The following CELSR1 variants were observed in gnomAD, a reference collection of about 807,000 sequenced individuals.
CELSR1 encodes adhesion G protein-coupled receptor C1.
Under a neutral mutation model 249.1 loss-of-function variants are expected in CELSR1, and 110 were observed. The ratio of observed to expected loss-of-function variants is 0.44; its 90% CI spans 0.38 to 0.52. CELSR1 has a LOEUF of 0.52. Ranked by LOEUF, CELSR1 falls within the 20% of genes least tolerant of loss-of-function variation. The probability of loss-of-function intolerance (pLI) is 0.00; values close to 1 mark genes in which losing one functional copy is unlikely to be tolerated. For synonymous variants in CELSR1, 2,113 were observed against 1,900.0 expected, an observed-to-expected ratio of 1.11 and a Z score of -2.92; for missense variants, 4,109 against 4,296.4, an observed-to-expected ratio of 0.96 and a Z score of 1.22.
rs2147694371 is a variant in CELSR1 at position 46,490,052 on chromosome 22, AC to A, written c.3545-25708del. 6.6e-6 allele frequency among the ~76,000 whole-genome samples: 1 copy of A among 152,228 alleles called. No homozygotes were observed. The highest frequency in any genetic ancestry group is 2.1e-4 in the South Asian group (1 of 4,818). On this transcript the variant is annotated intron_variant, in intron 1 of 34. Transcript: ENST00000674500. The surrounding 1 kb of genome is among the most constrained non-coding windows in gnomAD (Gnocchi z 5.2). ...TGCAGTGGGAACACCTAACGTGGCC[AC>A]CCCACAGGGCTGCACAGAGACCCAG...
Position 46,468,173 on chromosome 22 carries a change from G to T in CELSR1, c.3545-3828C>A, listed in dbSNP as rs951585150. On this transcript the variant is annotated intron_variant, in intron 1 of 34. Coordinates refer to ENST00000674500, the MANE Select transcript of CELSR1 (RefSeq NM_001378328.1). The surrounding 1 kb of genome is among the most constrained non-coding windows in gnomAD (Gnocchi z 4.5). Reference sequence around the variant, plus strand: ...GAGGCCGAGGTGGGTGGATCACGACGTCAGGAGTTCAAGACCAGCCTGGGC... The same window carrying T: ...GAGGCCGAGGTGGGTGGATCACGACTTCAGGAGTTCAAGACCAGCCTGGGC... Among the ~76,000 whole-genome samples the T allele has an allele frequency of 6.6e-6, 1 of 151,880 alleles. No homozygotes were observed. The highest frequency in any genetic ancestry group is 2.1e-4 in the South Asian group (1 of 4,792).
chr22:46,467,411 A>G (rs1013262407), intron 1 of CELSR1, among the ~76,000 whole-genome samples: 1 of 152,222 alleles, frequency 6.6e-6, no homozygotes, highest in Non-Finnish European at 1.5e-5. Context: ...TGTCATGAAC[A>G]TAAGTGTGTC....
At chr22:46,449,026 C>T (rs187998801) in intron 2 of CELSR1, among the ~76,000 whole-genome samples, 93 of 152,184 alleles carry the variant, frequency 6.1e-4, no homozygotes, top group African/African-American at 2.1e-3. Context: ...ATCCATCCTT[C>T]CATATACCCA....
intron 1 of CELSR1, among the ~76,000 whole-genome samples, chr22:46,497,393 A>G (rs761598679): frequency 6.6e-6 from 1 of 152,180 alleles, no homozygotes; most frequent in Non-Finnish European, 1.5e-5. Flanking sequence ...ACAATGTTGT[A>G]TACCTGGGAC....
In CELSR1 at chr22:46,473,160, G is replaced by T. The variant is rs988536550; in HGVS notation, c.3545-8815C>A. Among the ~76,000 whole-genome samples the T allele has an allele frequency of 6.6e-6, 1 of 152,148 alleles. No homozygotes were observed. Among genetic ancestry groups the T allele is most frequent in the African/African-American group, 2.4e-5 (1 of 41,428 alleles). ...TGGCTGAAGGAGAAATGTCCGCAGAGGGGTGGACAGGACCCACGCACCACG... is the reference window on the plus strand; with the variant it reads ...TGGCTGAAGGAGAAATGTCCGCAGATGGGTGGACAGGACCCACGCACCACG... On this transcript the variant is annotated intron_variant, in intron 1 of 34. Transcript: ENST00000674500. This position sits in a 1 kb window ranked among gnomAD's most constrained non-coding sequence, Gnocchi z 6.6.
chr22:46,368,524 C>A (rs2078813442), intron 27 of CELSR1, among the ~76,000 whole-genome samples: 1 of 152,006 alleles, frequency 6.6e-6, no homozygotes, highest in South Asian at 2.1e-4. Flanking sequence ...CTCCTGACAC[C>A]CAGCCCCTGC....
rs915090690 is a variant in CELSR1, at chr22:46,398,743, A to C, written c.5413-106T>G. ...GAAGTCTAAACAGTCACTTCAACAA[A>C]CTCCGCAGAGCCTGAGGACATCTGG... On this transcript the variant is annotated intron_variant, in intron 10 of 34. Transcript: ENST00000674500. The surrounding 1 kb of genome is among the most constrained non-coding windows in gnomAD (Gnocchi z 7.2). 4.9e-6 allele frequency: 4 copies of C among 818,648 alleles called. No individual in the cohort carries two copies. Among genetic ancestry groups the C allele is most frequent in the Non-Finnish European group, 7.6e-6 (4 of 526,932 alleles). The allele number at this position is 818,648 out of a possible 1,614,324, so 50.7% of individuals were successfully genotyped here.
In CELSR1 at chr22:46,448,892, A is replaced by C. The variant is rs1423776055; in HGVS notation, c.4184-9481T>G. ...CTCATGTGTCAGAAACTTCACTACC[A>C]GAGAAAGCACACAGATAGGAGGCCA... On this transcript the variant is annotated intron_variant, in intron 2 of 34. Coordinates refer to ENST00000674500, the MANE Select transcript of CELSR1 (RefSeq NM_001378328.1). This position sits in a 1 kb window ranked among gnomAD's most constrained non-coding sequence, Gnocchi z 5.7. 6.6e-6 allele frequency among the ~76,000 whole-genome samples: 1 copy of C among 152,190 alleles called. No individual in the cohort carries two copies. The highest frequency in any genetic ancestry group is 1.5e-5 in the Non-Finnish European group (1 of 68,042).
intron 1 of CELSR1, among the ~76,000 whole-genome samples, chr22:46,522,536 C>T (rs948818759): frequency 2.0e-5 from 3 of 152,160 alleles, no homozygotes; most frequent in African/African-American, 7.2e-5. Context: ...CCATTGTTTT[C>T]TTGTTGCTAA....
Position 46,403,999 on chromosome 22 carries a change from G to GA in CELSR1, c.5227-4098dup, listed in dbSNP as rs958889391. Among the ~76,000 whole-genome samples the GA allele has an allele frequency of 1.3e-3, 179 of 133,450 alleles. No homozygotes were observed. The South Asian group carries it at 0.018, about 13-fold the overall frequency. The allele number at this position is 133,450 out of a possible 152,430, so 87.5% of individuals were successfully genotyped here. A position where few individuals can be genotyped will look rare whatever the true frequency, so the allele number is the denominator to read the frequency against. ...AAAAAAAAAAAAAAAAAGAAAAAAA[G>GA]AAAAAAAAAACTGACTAGATCTGGG... On this transcript the variant is annotated intron_variant, in intron 9 of 34. Transcript: ENST00000674500.
rs938036973 is a variant in CELSR1, at chr22:46,441,831, G to A, written c.4184-2420C>T. 1.3e-5 allele frequency among the ~76,000 whole-genome samples: 2 copies of A among 152,184 alleles called. No individual in the cohort carries two copies. Among genetic ancestry groups the A allele is most frequent in the African/African-American group, 2.4e-5 (1 of 41,452 alleles). ...GACAACTGGCAATTTTAAAAGACTA[G>A]TGAACATTAAACTTTATTATCCATT... On this transcript the variant is annotated intron_variant, in intron 2 of 34. Transcript: ENST00000674500. This position sits in a 1 kb window ranked among gnomAD's most constrained non-coding sequence, Gnocchi z 6.1.
chr22:46,383,485 G>A (rs945478625), intron 20 of CELSR1, among the ~76,000 whole-genome samples: 3 of 151,892 alleles, frequency 2.0e-5, no homozygotes, highest in African/African-American at 4.8e-5. Flanking sequence ...GTTTTTTTGC[G>A]GGAAGGGGAA....
Position 46,409,177 on chromosome 22 carries a change from C to G in CELSR1, c.5060-15G>C. The G allele has an allele frequency of 6.2e-7, 1 of 1,611,042 alleles. No homozygotes were observed. Among genetic ancestry groups the G allele is most frequent in the Non-Finnish European group, 8.5e-7 (1 of 1,179,056 alleles). ...GTGAGGCATGGCTGCGGACACAGGC[C>G]CAGGGACCTCAGGTGTCTCCCGAAA... On this transcript the variant is annotated splice_polypyrimidine_tract_variant and intron_variant, in intron 8 of 34. Transcript: ENST00000674500. This position sits in a 1 kb window ranked among gnomAD's most constrained non-coding sequence, Gnocchi z 9.8.
intron 2 of CELSR1, among the ~76,000 whole-genome samples, chr22:46,452,173 C>T (rs1279424305): frequency 6.6e-6 from 1 of 152,152 alleles, no homozygotes; most frequent in Non-Finnish European, 1.5e-5. Context: ...GAACGAGGCC[C>T]AGAACACACC....
intron 9 of CELSR1, among the ~76,000 whole-genome samples, chr22:46,400,715 G>A (rs1397239202): frequency 6.6e-6 from 1 of 152,202 alleles, no homozygotes; most frequent in African/African-American, 2.4e-5. Flanking sequence ...ACTTTGGGAA[G>A]CCAAGGCGGG....
In CELSR1 at chr22:46,398,580, C is replaced by T; in HGVS notation, c.5470G>A (p.Gly1824Arg). 3 of 1,613,874 alleles carry T rather than the reference C, an allele frequency of 1.9e-6. No individual in the cohort carries two copies. Among genetic ancestry groups the T allele is most frequent in the South Asian group, 1.1e-5 (1 of 91,068 alleles). The change falls in exon 11 of 35, where the codon GGA (glycine) becomes AGA (arginine). Residue 1824 changes from glycine to arginine, a missense_variant. Gly to Arg is a moderately radical substitution (Grantham distance 125). Around this residue, in one of 7 missense-constraint regions of CELSR1, gnomAD observed 1,805 missense variants for 1,831.6 expected, o/e 0.99. Transcript: ENST00000674500. This position sits in a 1 kb window ranked among gnomAD's most constrained non-coding sequence, Gnocchi z 7.2. ...GAGACCTTGTCTTCAGAGGCGCCTC[C>T]GACCACCACGCTCCTTACCGTCAGC... is the stretch of plus-strand genomic sequence containing the variant. ...PGLTVRSVVV[G>R]GASEDKVSVR...
intron 9 of CELSR1, among the ~76,000 whole-genome samples, chr22:46,403,088 G>A (rs1465255315): frequency 6.6e-6 from 1 of 152,102 alleles, no homozygotes; most frequent in East Asian, 1.9e-4. Context: ...TCAATTTGCT[G>A]GGAAGATAAA....
At chr22:46,523,687 C>T (rs2080709095) in intron 1 of CELSR1, among the ~76,000 whole-genome samples, 1 of 152,088 alleles carries the variant, frequency 6.6e-6, no homozygotes, top group South Asian at 2.1e-4. Flanking sequence ...AGCTGGAAGG[C>T]CCCTCAACAG....
At position 46,423,442 on chromosome 22, in the gene CELSR1, C is replaced by T. The variant is rs58162281; in HGVS notation, c.4611+9951G>A. Reference sequence around the variant, plus strand: ...TCAACATGGAGAAACCCCGTCTCTACTAAAAATACAAAATTAGCCGGGCGT... The same window carrying T: ...TCAACATGGAGAAACCCCGTCTCTATTAAAAATACAAAATTAGCCGGGCGT... On this transcript the variant is annotated intron_variant, in intron 5 of 34. Transcript: ENST00000674500. The surrounding 1 kb of genome is among the most constrained non-coding windows in gnomAD (Gnocchi z 5.6). 0.022 allele frequency among the ~76,000 whole-genome samples: 3,369 copies of T among 151,720 alleles called. 46 individuals are homozygous for T. Among genetic ancestry groups the T allele is most frequent in the African/African-American group, 0.032 (1,323 of 41,342 alleles).
Sources: allele counts gnomAD v4.1 joint callset (sites outside exome capture counted in the v4.1 genomes callset), GRCh38; gene constraint gnomAD v4.1.1; regional missense constraint gnomAD v4.1.1; non-coding constraint Gnocchi (gnomAD v3.1); transcripts MANE v1.5; gene names NCBI Gene and HGNC (gene_info 2026-07-23, HGNC 2026-07-21).